The following ZBTB7C variants were observed in gnomAD, a reference collection of about 807,000 sequenced individuals.
ZBTB7C encodes the protein zinc finger and BTB domain-containing protein 7C.
A neutral mutation model predicts 25.7 loss-of-function variants in ZBTB7C; 8 were observed. The ratio of observed to expected loss-of-function variants is 0.31; its 90% CI spans 0.18 to 0.56. The LOEUF (loss-of-function observed/expected upper bound fraction) is 0.56. ZBTB7C is among the 20% of genes least tolerant of loss of function. The pLI is 0.91. For synonymous variants in ZBTB7C, 394 were observed against 369.0 expected (o/e 1.07, Z -0.78); for missense variants, 824 against 855.2 (o/e 0.96, Z 0.46).
At chr18:48,151,234 T>C (rs2040667757) in intron 3 of ZBTB7C, among the ~76,000 whole-genome samples, 1 of 152,152 alleles carries the variant, frequency 6.6e-6, no homozygotes, top group Non-Finnish European at 1.5e-5. Flanking sequence ...AATAGCTGCA[T>C]AAAATGTCAC....
intron 2 of ZBTB7C, among the ~76,000 whole-genome samples, chr18:48,268,507 G>A (rs1041507946): frequency 6.6e-6 from 1 of 152,184 alleles, no homozygotes; most frequent in African/African-American, 2.4e-5. Context: ...CTTAACAGGA[G>A]TCTTGCTAAA....
At chr18:48,295,260 G>A (rs1425432685) in intron 2 of ZBTB7C, among the ~76,000 whole-genome samples, 1 of 152,326 alleles carries the variant, frequency 6.6e-6, no homozygotes, top group East Asian at 1.9e-4. Flanking sequence ...TGAGTCCCCA[G>A]GTAAAGCTGC....
At chr18:48,125,426 C>T (rs2039768031) in intron 3 of ZBTB7C, among the ~76,000 whole-genome samples, 2 of 152,216 alleles carry the variant, frequency 1.3e-5, no homozygotes, top group African/African-American at 4.8e-5. Flanking sequence ...TCTGTTTTTG[C>T]ACGCTTGAGC....
At chr18:48,174,322 T>C (rs2041597100) in intron 3 of ZBTB7C, among the ~76,000 whole-genome samples, 1 of 152,192 alleles carries the variant, frequency 6.6e-6, no homozygotes, top group African/African-American at 2.4e-5. Context: ...TTAAAAATGA[T>C]CATTAAACAT....
At chr18:48,355,936 C>T (rs1291860446) in intron 1 of ZBTB7C, among the ~76,000 whole-genome samples, 1 of 152,192 alleles carries the variant, frequency 6.6e-6, no homozygotes, top group Non-Finnish European at 1.5e-5. Context: ...GAGAAGTTCA[C>T]GTTGGCTTTC....
chr18:48,349,877 TTTC>T (rs2046825047), intron 1 of ZBTB7C, among the ~76,000 whole-genome samples: 3 of 152,198 alleles, frequency 2.0e-5, no homozygotes, highest in African/African-American at 7.2e-5. Context: ...GGGACTACAT[TTTC>T]TTCATTTTGT....
At chr18:48,098,728 G>A (rs1047435537) in intron 3 of ZBTB7C, among the ~76,000 whole-genome samples, 4 of 152,186 alleles carry the variant, frequency 2.6e-5, no homozygotes, top group Middle Eastern at 3.2e-3. Flanking sequence ...TGATTACAGG[G>A]ATTGGCTCAG....
chr18:48,191,601 C>A (rs1286398522), intron 2 of ZBTB7C, among the ~76,000 whole-genome samples: 2 of 152,156 alleles, frequency 1.3e-5, no homozygotes, highest in Non-Finnish European at 2.9e-5. Flanking sequence ...ATGGGGCAGG[C>A]ACATAAATGA....
At chr18:48,167,597 T>TGTGTGTGCGC (rs779870966) in intron 3 of ZBTB7C, among the ~76,000 whole-genome samples, 51 of 148,160 alleles carry the variant, frequency 3.4e-4, no homozygotes, top group African/African-American at 1.2e-3. Context: ...TGTGTGTGTG[T>TGTGTGTGCGC]GCGCGCGTGC....
intron 3 of ZBTB7C, among the ~76,000 whole-genome samples, chr18:48,134,642 C>T (rs912813883): frequency 6.6e-6 from 1 of 152,156 alleles, no homozygotes; most frequent in African/African-American, 2.4e-5. Flanking sequence ...AACTCGAGTC[C>T]TATGAAAATG....
At chr18:48,337,900 C>T (rs182603508) in intron 2 of ZBTB7C, among the ~76,000 whole-genome samples, 2 of 152,298 alleles carry the variant, frequency 1.3e-5, no homozygotes, top group African/African-American at 2.4e-5. Flanking sequence ...TCCTCAAATA[C>T]GACATGCTAT....
chr18:48,275,602 C>T (rs748419385), intron 2 of ZBTB7C, among the ~76,000 whole-genome samples: 17 of 148,778 alleles, frequency 1.1e-4, no homozygotes, highest in Non-Finnish European at 2.2e-4. Flanking sequence ...GGTCTCCTGA[C>T]CCTCAATCCA....
chr18:48,250,172 C>G (rs1002307653), intron 2 of ZBTB7C, among the ~76,000 whole-genome samples: 1 of 152,152 alleles, frequency 6.6e-6, no homozygotes, highest in Non-Finnish European at 1.5e-5. Flanking sequence ...ATCCAGAACC[C>G]CCAACATCTT....
intron 2 of ZBTB7C, among the ~76,000 whole-genome samples, chr18:48,272,874 T>G (rs1300563192): frequency 6.6e-6 from 1 of 152,174 alleles, no homozygotes; most frequent in Non-Finnish European, 1.5e-5. Flanking sequence ...TTGAAAACAT[T>G]ATGCTAAGTG....
chr18:48,228,579 G>A lies in ZBTB7C; in HGVS notation c.-78-42584C>T, dbSNP rs536279303. 2.6e-4 allele frequency among the ~76,000 whole-genome samples: 39 copies of A among 152,124 alleles called. 1 individual carries two copies. Among genetic ancestry groups the A allele is most frequent in the Admixed American group, 2.2e-3 (34 of 15,284 alleles). On this transcript the variant is annotated intron_variant, in intron 2 of 4. Transcript: ENST00000590800. ...CTGAGAGTGGCTGCCAAGGGTGGAG[G>A]CTGCAGCAGGAAGAAGGGCAGTAGT...
chr18:48,299,609 T>C lies in ZBTB7C; in HGVS notation c.-79+38565A>G, dbSNP rs182110118. Among the ~76,000 whole-genome samples the C allele has an allele frequency of 1.6e-3, 240 of 151,878 alleles. 3 individuals are homozygous for C. Among genetic ancestry groups the C allele is most frequent in the African/African-American group, 5.2e-3 (217 of 41,380 alleles). On this transcript the variant is annotated intron_variant, in intron 2 of 4. Transcript: ENST00000590800. ...GGGAGTCGTGGATGGGAGATGAGAG[T>C]GGCAAAGGATGCAGACTGGACAAAA...
chr18:48,353,609 A>G (rs1375476013), intron 1 of ZBTB7C, among the ~76,000 whole-genome samples: 3 of 152,178 alleles, frequency 2.0e-5, no homozygotes, highest in Non-Finnish European at 4.4e-5. Context: ...TCTGATGTTA[A>G]AACCTCTTAA....
At chr18:48,313,707 C>G (rs140265142) in intron 2 of ZBTB7C, among the ~76,000 whole-genome samples, 57 of 152,290 alleles carry the variant, frequency 3.7e-4, no homozygotes, top group African/African-American at 1.1e-3. Flanking sequence ...AGGACAGAAG[C>G]CACAGAATAC....
intron 2 of ZBTB7C, among the ~76,000 whole-genome samples, chr18:48,329,288 C>T (rs533036387): frequency 6.6e-6 from 1 of 152,348 alleles, no homozygotes; most frequent in African/African-American, 2.4e-5. Context: ...CGCAGAAAGG[C>T]TTTAACTCAT....
Sources: gnomAD v4.1 joint callset for allele counts (sites outside exome capture counted in the v4.1 genomes callset) on GRCh38, gnomAD v4.1.1 for gene constraint, MANE v1.5 for transcripts, NCBI Gene and HGNC (gene_info 2026-07-23, HGNC 2026-07-21) for gene names.